The following RSU1 variants were observed in gnomAD, a reference collection of about 807,000 sequenced individuals.
The protein encoded by RSU1 is Ras suppressor protein 1, also known as rsu-1.
Under a neutral mutation model 31.1 loss-of-function variants are expected in RSU1, and 26 were observed. The observed-to-expected ratio is 0.84, with a 90% CI of 0.61 to 1.16. RSU1 has a LOEUF of 1.16. RSU1 is among the 50% of genes most tolerant of loss of function. RSU1 has a pLI of 0.00. For synonymous variants in RSU1, 164 were observed against 136.3 expected, an observed-to-expected ratio of 1.20 and a Z score of -1.41; for missense variants, 320 against 339.1, an observed-to-expected ratio of 0.94 and a Z score of 0.44.
intron 8 of RSU1, among the ~76,000 whole-genome samples, chr10:16,691,604 C>T (rs1019321064): frequency 6.6e-6 from 1 of 151,890 alleles, no homozygotes; most frequent in Admixed American, 6.6e-5. Context: ...AGCTCATGTA[C>T]CTTGTGACCT....
chr10:16,773,809 A>G (rs1418124786), intron 3 of RSU1, among the ~76,000 whole-genome samples: 1 of 152,198 alleles, frequency 6.6e-6, no homozygotes, highest in Non-Finnish European at 1.5e-5. Flanking sequence ...GGCTTCACAG[A>G]GAAAGATGAG....
chr10:16,739,507 G>C (rs1836710695), intron 7 of RSU1, among the ~76,000 whole-genome samples: 1 of 113,024 alleles, frequency 8.8e-6, no homozygotes, highest in Admixed American at 1.4e-4. Flanking sequence ...GTCTCGCTCT[G>C]TCGCCCAGGC....
chr10:16,600,324 G>A lies in RSU1; in HGVS notation c.732-6828C>T, dbSNP rs1833696602. ...GAAGCCCACTTCTAGAAGGATCATG[G>A]GGAAATGATCCTGGAGACTGCCTGG... On this transcript the variant is annotated intron_variant, in intron 8 of 8. Coordinates refer to ENST00000345264, the MANE Select transcript of RSU1 (RefSeq NM_012425.4). 1.3e-5 allele frequency among the ~76,000 whole-genome samples: 2 copies of A among 152,066 alleles called. 1 individual carries two copies. Among genetic ancestry groups the A allele is most frequent in the South Asian group, 4.2e-4 (2 of 4,814 alleles).
At chr10:16,697,503 A>C (rs1238146642) in intron 7 of RSU1, among the ~76,000 whole-genome samples, 1 of 152,116 alleles carries the variant, frequency 6.6e-6, no homozygotes, top group Non-Finnish European at 1.5e-5. Context: ...GTCTCTGCTA[A>C]AAATACAAAA....
chr10:16,683,365 TTG>T (rs373858033), intron 8 of RSU1, among the ~76,000 whole-genome samples: 16 of 152,316 alleles, frequency 1.1e-4, no homozygotes, highest in African/African-American at 3.8e-4. Flanking sequence ...TTTCATTCTA[TTG>T]TGTTTGTATA....
intron 8 of RSU1, among the ~76,000 whole-genome samples, chr10:16,684,450 A>G (rs1012641188): frequency 7.9e-5 from 12 of 152,296 alleles, no homozygotes; most frequent in Admixed American, 4.6e-4. Context: ...TTTTAAAGAG[A>G]TAATCAAGTT....
chr10:16,755,013 A>T (rs1248050914), intron 4 of RSU1, 24 bp from the exon 5 acceptor site: 2 of 1,437,482 alleles, frequency 1.4e-6, no homozygotes, highest in Admixed American at 3.4e-5. Context: ...ACAAAAATCT[A>T]TGTCATGACA....
At chr10:16,742,420 ACT>A (rs1438070311) in intron 7 of RSU1, among the ~76,000 whole-genome samples, 1 of 151,896 alleles carries the variant, frequency 6.6e-6, no homozygotes, top group African/African-American at 2.4e-5. Flanking sequence ...TCTGAAAGAA[ACT>A]CTCACACTCA....
At chr10:16,768,271 G>C (rs1350116827) in intron 3 of RSU1, among the ~76,000 whole-genome samples, 1 of 152,094 alleles carries the variant, frequency 6.6e-6, no homozygotes, top group Non-Finnish European at 1.5e-5. Context: ...CATTTCCAAG[G>C]TCTCTTCCAC....
chr10:16,781,982 C>G, intron 3 of RSU1, 52 bp downstream of exon 3: 3 of 1,475,398 alleles, frequency 2.0e-6, no homozygotes, highest in Non-Finnish European at 2.8e-6. Context: ...TCAGCAGTGC[C>G]ATAGGATTAC....
chr10:16,748,105 C>T (rs955314737), intron 7 of RSU1: 2 of 152,282 alleles, frequency 1.3e-5, no homozygotes, highest in African/African-American at 4.8e-5. Context: ...GTATCAGTTT[C>T]CTTTTGCTGC....
intron 2 of RSU1, among the ~76,000 whole-genome samples, chr10:16,783,924 T>C (rs1837713867): frequency 6.6e-6 from 1 of 152,160 alleles, no homozygotes; most frequent in South Asian, 2.1e-4. Context: ...ATCATTTATT[T>C]TAGGGAAGAA....
At chr10:16,672,782 G>A (rs547983985) in intron 8 of RSU1, among the ~76,000 whole-genome samples, 1 of 152,116 alleles carries the variant, frequency 6.6e-6, no homozygotes, top group Non-Finnish European at 1.5e-5. Flanking sequence ...AAAACCCTTG[G>A]GGATGAGGAA....
At chr10:16,808,965 G>T (rs1838341666) in intron 2 of RSU1, among the ~76,000 whole-genome samples, 1 of 152,150 alleles carries the variant, frequency 6.6e-6, no homozygotes. Flanking sequence ...GAGGCCTCAG[G>T]AGCAGCCAGC....
At chr10:16,594,055 G>A (rs960261193) in intron 8 of RSU1, among the ~76,000 whole-genome samples, 4 of 152,220 alleles carry the variant, frequency 2.6e-5, no homozygotes, top group Admixed American at 6.5e-5. Flanking sequence ...CATTCATTGC[G>A]CAGCGAAGCT....
intron 8 of RSU1, among the ~76,000 whole-genome samples, chr10:16,650,334 A>G (rs1284121802): frequency 1.3e-5 from 2 of 152,206 alleles, no homozygotes; most frequent in Non-Finnish European, 2.9e-5. Context: ...AGCATAGTTA[A>G]GCACACTTCC....
At chr10:16,618,171 T>C (rs965522386) in intron 8 of RSU1, among the ~76,000 whole-genome samples, 3 of 152,114 alleles carry the variant, frequency 2.0e-5, no homozygotes, top group Admixed American at 6.6e-5. Flanking sequence ...GGGCAAAGGA[T>C]ATGAACAGAC....
intron 2 of RSU1, among the ~76,000 whole-genome samples, chr10:16,805,685 CT>C (rs780025224): frequency 1.0e-3 from 134 of 131,942 alleles, no homozygotes; most frequent in Non-Finnish European, 8.9e-4. Context: ...AAAAAAAAAG[CT>C]TTTTTTTTTT....
At chr10:16,720,766 T>C (rs558803417) in intron 7 of RSU1, among the ~76,000 whole-genome samples, 2 of 152,298 alleles carry the variant, frequency 1.3e-5, no homozygotes, top group South Asian at 4.1e-4. Flanking sequence ...TGCCACTGGA[T>C]TCATCTGTTA....
Sources: gnomAD v4.1 joint callset for allele counts (sites outside exome capture counted in the v4.1 genomes callset) on GRCh38, gnomAD v4.1.1 for gene constraint, MANE v1.5 for transcripts, NCBI Gene and HGNC (gene_info 2026-07-23, HGNC 2026-07-21) for gene names.